PFKFB3: variants seen among roughly 807,000 people sequenced by gnomAD.
PFKFB3 encodes 6-phosphofructo-2-kinase/fructose-2,6-biphosphatase 3, also known as 6-phosphofructo-2-kinase/fructose-2,6-bisphosphatase 3.
Under a neutral mutation model 68.0 loss-of-function variants are expected in PFKFB3, and 33 were observed. The ratio of observed to expected loss-of-function variants is 0.49; its 90% CI spans 0.37 to 0.65. PFKFB3 has a LOEUF of 0.65. Ranked by LOEUF, PFKFB3 falls within the 30% of genes least tolerant of loss-of-function variation. PFKFB3 has a pLI of 0.00. For missense variants in PFKFB3, 586 were observed against 712.2 expected (o/e 0.82, Z 2.02); for synonymous variants, 315 against 288.2 (o/e 1.09, Z -0.94).
chr10:6,167,026 T>C (rs1160885351), intron 1 of PFKFB3, among the ~76,000 whole-genome samples: 1 of 152,104 alleles, frequency 6.6e-6, no homozygotes, highest in African/African-American at 2.4e-5. Flanking sequence ...ATGGAGTTTC[T>C]CCATGTTGGT....
intron 10 of PFKFB3, among the ~76,000 whole-genome samples, chr10:6,222,082 C>CG (rs894852009): frequency 3.3e-5 from 5 of 152,106 alleles, no homozygotes; most frequent in Non-Finnish European, 7.4e-5. Flanking sequence ...TCCCCGTGCA[C>CG]GGTGCCCGGG....
chr10:6,227,751 G>A (rs1845450129), intron 14 of PFKFB3, among the ~76,000 whole-genome samples: 1 of 152,196 alleles, frequency 6.6e-6, no homozygotes, highest in African/African-American at 2.4e-5. Context: ...CAGGCCCTCA[G>A]TCTCCTTAGC....
At chr10:6,272,085 G>A in the PFKFB3 span, among the ~76,000 whole-genome samples, 1 of 152,214 alleles carries the variant, frequency 6.6e-6, no homozygotes, top group Non-Finnish European at 1.5e-5. Context: ...GGGCAGATGT[G>A]AAGCATTACA....
chr10:6,226,144 C>G (rs780822938), intron 13 of PFKFB3, 48 bp from the exon 14 acceptor site: 3 of 1,487,838 alleles, frequency 2.0e-6, no homozygotes, highest in East Asian at 2.5e-5. Flanking sequence ...TTTTCCTCCC[C>G]TTCTTTGTAA....
chr10:6,232,609 C>T (rs903580780), intron 14 of PFKFB3, among the ~76,000 whole-genome samples: 5 of 152,032 alleles, frequency 3.3e-5, no homozygotes, highest in African/African-American at 7.2e-5. Flanking sequence ...CCCAGCGCCG[C>T]GCAGCTCACG....
intron 14 of PFKFB3, among the ~76,000 whole-genome samples, chr10:6,249,630 C>T (rs548333182): frequency 3.2e-4 from 49 of 152,102 alleles, no homozygotes; most frequent in African/African-American, 1.0e-3. Flanking sequence ...ATGTGGAATC[C>T]GAAACAGTCA....
intron 1 of PFKFB3, among the ~76,000 whole-genome samples, chr10:6,188,503 A>T (rs1021185607): frequency 6.6e-6 from 1 of 151,846 alleles, no homozygotes; most frequent in African/African-American, 2.4e-5. Context: ...AAAATGTGTG[A>T]CACAAAATCT....
At position 6,247,712 on chromosome 10, in the gene PFKFB3, C is replaced by G. The variant is rs188873695; in HGVS notation, c.1516-6466C>G. 1.7e-4 allele frequency among the ~76,000 whole-genome samples: 26 copies of G among 152,324 alleles called. 1 individual carries two copies. Among genetic ancestry groups the G allele is most frequent in the Admixed American group, 1.7e-3 (26 of 15,302 alleles). On this transcript the variant is annotated intron_variant, in intron 14 of 14. Transcript: ENST00000640683. Reference sequence around the variant, plus strand: ...TCCGTGATGGAGTGTCCTCCAGACCCCTCCTAAGGAACCCTTCCTCGTCTT... The same window carrying G: ...TCCGTGATGGAGTGTCCTCCAGACCGCTCCTAAGGAACCCTTCCTCGTCTT...
intron 1 of PFKFB3, among the ~76,000 whole-genome samples, chr10:6,156,538 C>T (rs985118992): frequency 5.3e-5 from 8 of 150,214 alleles, no homozygotes; most frequent in Non-Finnish European, 1.0e-4. Context: ...GATGGAGTCT[C>T]GCTCTGCGGC....
At chr10:6,317,026 C>T in the PFKFB3 span, among the ~76,000 whole-genome samples, 7 of 152,166 alleles carry the variant, frequency 4.6e-5, no homozygotes, top group African/African-American at 1.7e-4. Context: ...AACTAAAATT[C>T]TGGCTCATTT....
In PFKFB3 at chr10:6,226,356, G is replaced by A. The variant is rs760586804; in HGVS notation, c.1506G>A (p.Leu502=). 18 of 1,612,046 alleles carry A rather than the reference G, an allele frequency of 1.1e-5. No homozygotes were observed. In the East Asian group the frequency reaches 4.0e-4, roughly 36 times the overall value. Residue 502 remains leucine, a synonymous_variant, in exon 14 of 15, where the codon CTG becomes CTA. Coordinates refer to ENST00000379775, the MANE Select transcript of PFKFB3 (RefSeq NM_004566.4). ...TGCCCCCGGAGGTGCCCACGCAGCT[G>A]CCTGGACAAGTCAGTGCACTCCCCT... ...SCLPPEVPTQ[L]PGQNMKGSRS...
In PFKFB3 at chr10:6,217,050, T is replaced by A. The variant is rs557344027; in HGVS notation, c.442-85T>A. On this transcript the variant is annotated intron_variant, in intron 5 of 14. Transcript: ENST00000379775. ...AGTTGGTGGGTGGCGTGCTTCCGCCTTGTCCGGGTGATGACATCGCAGTGA... is the reference window on the plus strand; with the variant it reads ...AGTTGGTGGGTGGCGTGCTTCCGCCATGTCCGGGTGATGACATCGCAGTGA... 3.6e-6 allele frequency: 5 copies of A among 1,371,566 alleles called. No individual in the cohort carries two copies. In the South Asian group the frequency reaches 5.8e-5, roughly 16 times the overall value. The allele number at this position is 1,371,566 out of a possible 1,614,324, so 85.0% of individuals were successfully genotyped here.
rs538267037 is a variant in PFKFB3 at position 6,187,221 on chromosome 10, C to T, written c.17-26402C>T. On this transcript the variant is annotated intron_variant, in intron 1 of 14. Transcript: ENST00000379789. ...ACTAAAAAAAAAAAAATTAGCTGGA[C>T]ATGGTGGTGGGTGCCTGTAATCCCA... 2.3e-3 allele frequency among the ~76,000 whole-genome samples: 332 copies of T among 145,204 alleles called. 2 individuals are homozygous for T. Among genetic ancestry groups the T allele is most frequent in the African/African-American group, 8.2e-3 (313 of 38,222 alleles).
At chr10:6,276,451 A>T in the PFKFB3 span, among the ~76,000 whole-genome samples, 1 of 151,964 alleles carries the variant, frequency 6.6e-6, no homozygotes, top group East Asian at 1.9e-4. Context: ...AAATCTCTGT[A>T]TGGGAGACTA....
chr10:6,307,710 T>TG, the PFKFB3 span, among the ~76,000 whole-genome samples: 2 of 152,050 alleles, frequency 1.3e-5, no homozygotes, highest in African/African-American at 4.8e-5. Context: ...TGCCACAGCC[T>TG]GAGGTGATGA....
intron 13 of PFKFB3, among the ~76,000 whole-genome samples, chr10:6,224,961 G>A (rs1845231938): frequency 6.6e-6 from 1 of 150,504 alleles, no homozygotes; most frequent in African/African-American, 2.5e-5. Context: ...AGAGACGGGA[G>A]GCGTGGAGAG....
the PFKFB3 span, chr10:6,293,869 T>G: frequency 2.4e-6 from 1 of 409,948 alleles, no homozygotes; most frequent in Non-Finnish European, 4.9e-6. Context: ...GGTTGGAGAG[T>G]TATCCTTGAC....
At position 6,180,257 on chromosome 10, in the gene PFKFB3, A is replaced by G. The variant is rs565988625; in HGVS notation, c.17-33366A>G. Reference sequence around the variant, plus strand: ...TGAATGAATGATTGCTTTGCAAGACAGCATGAACCTCAGGTTCCAGAGTCA... The same window carrying G: ...TGAATGAATGATTGCTTTGCAAGACGGCATGAACCTCAGGTTCCAGAGTCA... On this transcript the variant is annotated intron_variant, in intron 1 of 14. Transcript: ENST00000379789. Among the ~76,000 whole-genome samples the G allele has an allele frequency of 1.1e-4, 16 of 152,292 alleles. No individual in the cohort carries two copies. In the East Asian group the frequency reaches 3.1e-3, roughly 29 times the overall value.
At chr10:6,190,953 A>G (rs1455402915) in intron 1 of PFKFB3, among the ~76,000 whole-genome samples, 1 of 151,972 alleles carries the variant, frequency 6.6e-6, no homozygotes, top group Non-Finnish European at 1.5e-5. Flanking sequence ...TAATTTTTGT[A>G]GTTTTTGTAG....
Sources: gnomAD v4.1 joint callset for allele counts (sites outside exome capture counted in the v4.1 genomes callset) on GRCh38, gnomAD v4.1.1 for gene constraint, MANE v1.5 for transcripts, NCBI Gene and HGNC (gene_info 2026-07-23, HGNC 2026-07-21) for gene names.